Variants in GNAQ observed in about 807,000 individuals in gnomAD.
GNAQ encodes the protein guanine nucleotide-binding protein G(q) subunit alpha.
A neutral mutation model predicts 43.9 loss-of-function variants in GNAQ; 8 were observed. The observed-to-expected ratio is 0.18, with a 90% CI of 0.11 to 0.33. GNAQ has a LOEUF of 0.33. GNAQ is among the 10% of genes least tolerant of loss of function. The pLI, the probability that GNAQ is intolerant of heterozygous loss-of-function variation, is 1.00. For synonymous variants in GNAQ, 155 were observed against 170.7 expected, an observed-to-expected ratio of 0.91 and a Z score of 0.71; for missense variants, 158 against 450.8, an observed-to-expected ratio of 0.35 and a Z score of 5.88.
At chr9:77,884,504 C>T (rs1828269877) in intron 2 of GNAQ, among the ~76,000 whole-genome samples, 1 of 152,230 alleles carries the variant, frequency 6.6e-6, no homozygotes, top group South Asian at 2.1e-4. Flanking sequence ...AAAAGTGCGA[C>T]TTCCCATAAT....
intron 2 of GNAQ, among the ~76,000 whole-genome samples, chr9:77,900,215 T>G (rs1223063827): frequency 6.6e-6 from 1 of 152,112 alleles, no homozygotes; most frequent in East Asian, 1.9e-4. Flanking sequence ...TTTCAATAAG[T>G]AGGAAATTTA....
At chr9:77,853,152 G>C (rs1827697196) in intron 2 of GNAQ, among the ~76,000 whole-genome samples, 1 of 152,170 alleles carries the variant, frequency 6.6e-6, no homozygotes, top group South Asian at 2.1e-4. Flanking sequence ...TACACTACAT[G>C]TTATTAATAT....
chr9:77,898,682 T>C (rs919790643), intron 2 of GNAQ, among the ~76,000 whole-genome samples: 2 of 152,012 alleles, frequency 1.3e-5, no homozygotes, highest in Non-Finnish European at 2.9e-5. Flanking sequence ...GAGTAGAGAA[T>C]ACAATTTATA....
intron 1 of GNAQ, among the ~76,000 whole-genome samples, chr9:78,025,849 T>C (rs759183027): frequency 6.6e-6 from 1 of 152,146 alleles, no homozygotes; most frequent in Non-Finnish European, 1.5e-5. Flanking sequence ...CCTTAGAGAA[T>C]CTTGTTAATT....
chr9:77,746,775 T>C (rs774092894), intron 5 of GNAQ, among the ~76,000 whole-genome samples: 1 of 152,216 alleles, frequency 6.6e-6, no homozygotes, highest in East Asian at 1.9e-4. Flanking sequence ...CCTACCATAA[T>C]AGAAGATAAT....
chr9:77,791,684 A>C (rs1358729847), intron 5 of GNAQ, among the ~76,000 whole-genome samples: 1 of 152,246 alleles, frequency 6.6e-6, no homozygotes, highest in Non-Finnish European at 1.5e-5. Context: ...AATATTAAAA[A>C]GCAAAAGCAA....
chr9:77,838,137 A>AT (rs574992587), intron 2 of GNAQ, among the ~76,000 whole-genome samples: 4,613 of 87,074 alleles, frequency 0.053, 194 homozygotes, highest in African/African-American at 0.08. Context: ...GGCATTAATG[A>AT]TTTTTTTTTT....
At chr9:77,722,861 C>T (rs971342187) in intron 6 of GNAQ, among the ~76,000 whole-genome samples, 4 of 152,094 alleles carry the variant, frequency 2.6e-5, no homozygotes, top group African/African-American at 9.7e-5. Context: ...ACTATGTTGT[C>T]TTGAACTTCT....
At chr9:77,814,933 A>T (rs1395427249) in intron 3 of GNAQ, among the ~76,000 whole-genome samples, 1 of 152,246 alleles carries the variant, frequency 6.6e-6, no homozygotes, top group Non-Finnish European at 1.5e-5. Context: ...AATGATTGCC[A>T]AATCTTTACT....
intron 2 of GNAQ, among the ~76,000 whole-genome samples, chr9:77,883,377 G>GA (rs959455515): frequency 1.3e-5 from 2 of 151,698 alleles, no homozygotes; most frequent in Non-Finnish European, 2.9e-5. Flanking sequence ...TTAGAGAAAA[G>GA]AAACTTATGA....
chr9:78,020,491 A>G (rs1823894815), intron 1 of GNAQ, among the ~76,000 whole-genome samples: 1 of 152,174 alleles, frequency 6.6e-6, no homozygotes, highest in Non-Finnish European at 1.5e-5. Context: ...CATTCCACCA[A>G]GGCGTCTACA....
At chr9:77,758,169 G>A (rs185058776) in intron 5 of GNAQ, among the ~76,000 whole-genome samples, 121 of 152,300 alleles carry the variant, frequency 7.9e-4, no homozygotes, top group Middle Eastern at 3.4e-3. Flanking sequence ...GCTGCGCCAC[G>A]CAAAGACATT....
chr9:77,813,329 C>T (rs1419468312), intron 3 of GNAQ, among the ~76,000 whole-genome samples: 1 of 152,028 alleles, frequency 6.6e-6, no homozygotes, highest in East Asian at 1.9e-4. Context: ...GCTAGAGGGC[C>T]CCACGTTTTG....
At chr9:77,761,926 C>T (rs1826036784) in intron 5 of GNAQ, among the ~76,000 whole-genome samples, 2 of 131,874 alleles carry the variant, frequency 1.5e-5, no homozygotes, top group African/African-American at 2.8e-5. Context: ...CCCGGCCAGC[C>T]GCCCCGTCCG....
At chr9:77,851,938 A>C (rs1226512983) in intron 2 of GNAQ, among the ~76,000 whole-genome samples, 3 of 152,330 alleles carry the variant, frequency 2.0e-5, no homozygotes, top group Admixed American at 6.5e-5. Flanking sequence ...GCTTTAGGTA[A>C]AAATCAGCAA....
At chr9:77,983,222 T>C (rs1823390867) in intron 1 of GNAQ, among the ~76,000 whole-genome samples, 1 of 152,222 alleles carries the variant, frequency 6.6e-6, no homozygotes, top group Non-Finnish European at 1.5e-5. Context: ...TGCATGGTGA[T>C]AACATTTACA....
At chr9:77,765,911 T>G (rs1826128738) in intron 5 of GNAQ, among the ~76,000 whole-genome samples, 1 of 152,232 alleles carries the variant, frequency 6.6e-6, no homozygotes, top group African/African-American at 2.4e-5. Context: ...TGAAAAGGAA[T>G]GAAATCTTGA....
At chr9:77,726,805 AAC>A (rs1368172593) in intron 6 of GNAQ, among the ~76,000 whole-genome samples, 1 of 152,218 alleles carries the variant, frequency 6.6e-6, no homozygotes, top group African/African-American at 2.4e-5. Context: ...TGTCTGAGGC[AAC>A]ACAGACAGTG....
At chr9:77,955,687 TTAG>T (rs1427494725) in intron 1 of GNAQ, among the ~76,000 whole-genome samples, 3 of 152,236 alleles carry the variant, frequency 2.0e-5, no homozygotes, top group African/African-American at 2.4e-5. Context: ...TTGAAATCAC[TTAG>T]TAGATTAATT....
Sources: allele counts gnomAD v4.1 joint callset (sites outside exome capture counted in the v4.1 genomes callset), GRCh38; gene constraint gnomAD v4.1.1; transcripts MANE v1.5; gene names NCBI Gene and HGNC (gene_info 2026-07-23, HGNC 2026-07-21).